EPHA6: variants seen among roughly 807,000 people sequenced by gnomAD.
The protein encoded by EPHA6 is EPH receptor A6, also known as ephrin type-A receptor 6.
EPHA6 carries 50 observed loss-of-function variants against 112.0 expected under a neutral mutation model. That is an observed-to-expected ratio of 0.45 (90% confidence interval 0.36 to 0.56). The LOEUF is 0.56. Among genes scored for constraint, EPHA6 ranks in the 20% least tolerant of loss-of-function variants. The pLI is 0.00. For synonymous variants in EPHA6, 529 were observed against 490.7 expected, an observed-to-expected ratio of 1.08 and a Z score of -1.03; for missense variants, 1,280 against 1,417.4, an observed-to-expected ratio of 0.90 and a Z score of 1.56.
chr3:97,135,499 G>T (rs2075744243), intron 3 of EPHA6, among the ~76,000 whole-genome samples: 1 of 152,086 alleles, frequency 6.6e-6, no homozygotes, highest in South Asian at 2.1e-4. Context: ...GTTGCAAGAA[G>T]TCTACCTCAA....
At chr3:96,853,067 T>C (rs1253528443) in intron 1 of EPHA6, among the ~76,000 whole-genome samples, 1 of 152,132 alleles carries the variant, frequency 6.6e-6, no homozygotes, top group African/African-American at 2.4e-5. Context: ...CAGCCAGCAG[T>C]AATGTGCAGT....
chr3:97,387,688 C>A (rs1013786488), intron 5 of EPHA6, among the ~76,000 whole-genome samples: 1 of 152,176 alleles, frequency 6.6e-6, no homozygotes, highest in Non-Finnish European at 1.5e-5. Context: ...TGTTCCAACA[C>A]TTGCCAGTTG....
At chr3:96,979,257 G>A (rs2042658136) in intron 2 of EPHA6, among the ~76,000 whole-genome samples, 1 of 139,484 alleles carries the variant, frequency 7.2e-6, no homozygotes, top group South Asian at 2.2e-4. Context: ...CCCTTCCTGT[G>A]TTATCATTGT....
At chr3:96,969,931 T>A (rs1439948813) in intron 2 of EPHA6, among the ~76,000 whole-genome samples, 1 of 152,058 alleles carries the variant, frequency 6.6e-6, no homozygotes, top group Non-Finnish European at 1.5e-5. Context: ...CCAGTTTGAA[T>A]ATTCATTTCA....
chr3:97,559,349 G>A (rs73134913), intron 11 of EPHA6, among the ~76,000 whole-genome samples: 1 of 151,956 alleles, frequency 6.6e-6, no homozygotes, highest in East Asian at 1.9e-4. Flanking sequence ...AGAGATTTTG[G>A]TGAATATGTG....
chr3:97,218,906 T>G (rs754430997), intron 3 of EPHA6, among the ~76,000 whole-genome samples: 16 of 152,072 alleles, frequency 1.1e-4, no homozygotes, highest in Non-Finnish European at 1.5e-5. Flanking sequence ...GGTACAGGCA[T>G]TGGGTAAATA....
chr3:97,032,976 T>A (rs1484037231), intron 3 of EPHA6, among the ~76,000 whole-genome samples: 1 of 151,678 alleles, frequency 6.6e-6, no homozygotes, highest in African/African-American at 2.4e-5. Context: ...CACAATGCAC[T>A]CTTCAGGTAG....
intron 10 of EPHA6, among the ~76,000 whole-genome samples, chr3:97,499,211 A>G (rs1331153472): frequency 6.6e-6 from 1 of 152,160 alleles, no homozygotes; most frequent in Non-Finnish European, 1.5e-5. Flanking sequence ...TTTTTTAATT[A>G]TGAATTAAAC....
intron 3 of EPHA6, among the ~76,000 whole-genome samples, chr3:97,042,273 C>T (rs2612288): frequency 0.045 from 6,895 of 152,116 alleles, 206 homozygotes; most frequent in Middle Eastern, 0.11. Flanking sequence ...CTCTCCCACT[C>T]GTGCTCTCTC....
At chr3:97,193,488 T>A (rs921524971) in intron 3 of EPHA6, among the ~76,000 whole-genome samples, 1 of 152,112 alleles carries the variant, frequency 6.6e-6, no homozygotes. Context: ...ATGTTGACTA[T>A]GTATTCTGCA....
intron 6 of EPHA6, among the ~76,000 whole-genome samples, chr3:97,436,571 T>A (rs919244645): frequency 6.6e-6 from 1 of 152,200 alleles, no homozygotes; most frequent in Non-Finnish European, 1.5e-5. Context: ...GCAGCTCTTA[T>A]ATTACTGTTT....
chr3:97,474,224 T>G (rs1055996285), intron 7 of EPHA6, among the ~76,000 whole-genome samples: 2 of 151,954 alleles, frequency 1.3e-5, no homozygotes, highest in Non-Finnish European at 2.9e-5. Context: ...TAATAAATTA[T>G]TATGTTAGAG....
chr3:97,322,382 C>T (rs2082162196), intron 5 of EPHA6, among the ~76,000 whole-genome samples: 1 of 151,934 alleles, frequency 6.6e-6, no homozygotes, highest in Non-Finnish European at 1.5e-5. Flanking sequence ...AAGTATCTCT[C>T]CATCTGTCAG....
intron 3 of EPHA6, among the ~76,000 whole-genome samples, chr3:97,200,971 C>T (rs2077564840): frequency 6.6e-6 from 1 of 152,034 alleles, no homozygotes; most frequent in Non-Finnish European, 1.5e-5. Context: ...AAACATTTGA[C>T]AAAAAGCCTA....
rs183823827 is a variant in EPHA6, at chr3:97,482,599, G to C, written c.2075-1335G>C. On this transcript the variant is annotated intron_variant, in intron 9 of 17. Transcript: ENST00000389672. ...CAGAAGACAAAATGTGTAAATGAAG[G>C]CAATGGGCATAGAAGGACTAAGGAA... is the stretch of plus-strand genomic sequence containing the variant. Among the ~76,000 whole-genome samples, 14 of 152,274 alleles carry C rather than the reference G, an allele frequency of 9.2e-5. No individual in the cohort carries two copies. The East Asian group carries it at 2.7e-3, about 29-fold the overall frequency.
At chr3:96,960,080 G>A (rs1483821557) in intron 2 of EPHA6, among the ~76,000 whole-genome samples, 1 of 152,132 alleles carries the variant, frequency 6.6e-6, no homozygotes, top group African/African-American at 2.4e-5. Context: ...TAATGTCTTT[G>A]AGGAGTGCCT....
intron 14 of EPHA6, among the ~76,000 whole-genome samples, chr3:97,675,713 G>C (rs1236303459): frequency 6.6e-6 from 1 of 151,966 alleles, no homozygotes; most frequent in East Asian, 1.9e-4. Flanking sequence ...TTTTCCATCA[G>C]ATCTTTTAAT....
At chr3:97,235,871 T>C (rs1470363859) in intron 4 of EPHA6, among the ~76,000 whole-genome samples, 3 of 152,138 alleles carry the variant, frequency 2.0e-5, no homozygotes, top group Non-Finnish European at 4.4e-5. Context: ...GGTTTGGGCT[T>C]CCTTGTTTTT....
At chr3:97,676,771 C>T (rs1229567516) in intron 14 of EPHA6, among the ~76,000 whole-genome samples, 1 of 152,164 alleles carries the variant, frequency 6.6e-6, no homozygotes, top group Non-Finnish European at 1.5e-5. Context: ...AATAGAGTCC[C>T]TGGGTCGAGA....
Sources: gnomAD v4.1 joint callset for allele counts (sites outside exome capture counted in the v4.1 genomes callset) on GRCh38, gnomAD v4.1.1 for gene constraint, MANE v1.5 for transcripts, NCBI Gene and HGNC (gene_info 2026-07-23, HGNC 2026-07-21) for gene names.